Variants in TBC1D5 observed in about 807,000 individuals in gnomAD.
TBC1D5 encodes the protein TBC1 domain family, member 5.
A neutral mutation model predicts 100.3 loss-of-function variants in TBC1D5; 75 were observed. That is an observed-to-expected ratio of 0.75 (90% confidence interval 0.62 to 0.91). TBC1D5 has a LOEUF of 0.91. Among genes scored for constraint, TBC1D5 ranks in the 40% least tolerant of loss-of-function variants. The probability of loss-of-function intolerance (pLI) is 0.00; values close to 1 mark genes in which losing one functional copy is unlikely to be tolerated. For synonymous variants in TBC1D5, 323 were observed against 325.6 expected, an observed-to-expected ratio of 0.99 and a Z score of 0.09; for missense variants, 910 against 942.4, an observed-to-expected ratio of 0.97 and a Z score of 0.45.
At position 17,216,870 on chromosome 3, in the gene TBC1D5, C is replaced by A. The variant is rs918645882; in HGVS notation, c.1589-2500G>T. 2.6e-5 allele frequency among the ~76,000 whole-genome samples: 4 copies of A among 152,102 alleles called. 1 individual carries two copies. Among genetic ancestry groups the A allele is most frequent in the Admixed American group, 2.6e-4 (4 of 15,246 alleles). ...AAACAGATTAACTGTGAAAACAACA[C>A]TTTGAGATATAATTCATGTCATAAC... is the stretch of plus-strand genomic sequence containing the variant. On this transcript the variant is annotated intron_variant, in intron 17 of 21. Transcript: ENST00000253692.
intron 1 of TBC1D5, among the ~76,000 whole-genome samples, chr3:17,706,879 CATT>C (rs916912043): frequency 3.3e-5 from 5 of 150,020 alleles, no homozygotes; most frequent in Admixed American, 6.6e-5. Flanking sequence ...TAAAAAAAGT[CATT>C]AATTTTCAGT....
intron 2 of TBC1D5, among the ~76,000 whole-genome samples, chr3:17,563,465 A>G (rs763061186): frequency 9.2e-5 from 14 of 152,214 alleles, no homozygotes; most frequent in African/African-American, 3.1e-4. Context: ...GGAAGGTATA[A>G]TATCATAGAA....
rs116887048 is a variant in TBC1D5, at chr3:17,553,101, T to A, written c.-35-44496A>T. Among the ~76,000 whole-genome samples, 588 of 152,138 alleles carry A rather than the reference T, an allele frequency of 3.9e-3. 9 individuals are homozygous for A. Among genetic ancestry groups the A allele is most frequent in the East Asian group, 0.037 (192 of 5,174 alleles). On this transcript the variant is annotated intron_variant, in intron 2 of 21. Coordinates refer to ENST00000253692, the Ensembl canonical transcript of TBC1D5. ...TAGATTAACAGACTAAGCACAAATA[T>A]ACTTGGGGCACCATATTTCAGACAA...
chr3:17,206,109 C>T (rs535038362), intron 18 of TBC1D5, among the ~76,000 whole-genome samples: 134 of 152,244 alleles, frequency 8.8e-4, no homozygotes, highest in African/African-American at 3.2e-3. Context: ...GCCACTACTA[C>T]CTGTCCTAGG....
rs2061879415 is a variant in TBC1D5 at position 17,613,733 on chromosome 3, G to A, written c.-36+10116C>T. On this transcript the variant is annotated intron_variant, in intron 2 of 21. Transcript: ENST00000253692. ...CCTTTGCCCACTTTTTGATTTGGTT[G>A]TTTGGTTTTCTCTTGTAAATTTGCT... Among the ~76,000 whole-genome samples the A allele has an allele frequency of 1.3e-5, 2 of 152,134 alleles. 1 individual carries two copies. The highest frequency in any genetic ancestry group is 2.9e-5 in the Non-Finnish European group (2 of 68,008).
intron 21 of TBC1D5, among the ~76,000 whole-genome samples, chr3:17,165,229 C>A (rs1022913783): frequency 1.3e-5 from 2 of 152,122 alleles, no homozygotes; most frequent in East Asian, 1.9e-4. Context: ...AATACAGAAA[C>A]CAGGGATGAC....
At chr3:17,616,978 T>C (rs573521277) in intron 2 of TBC1D5, among the ~76,000 whole-genome samples, 64 of 152,390 alleles carry the variant, frequency 4.2e-4, no homozygotes, top group African/African-American at 1.4e-3. Context: ...AGTTTCTTCA[T>C]AGCATTGATG....
chr3:17,344,211 A>G lies in TBC1D5; in HGVS notation c.995+27864T>C, dbSNP rs1163121520. Among the ~76,000 whole-genome samples, 4 of 152,268 alleles carry G rather than the reference A, an allele frequency of 2.6e-5. No homozygotes were observed. In the East Asian group the frequency reaches 5.8e-4, roughly 22 times the overall value. ...TCTCCTTAAGCTGATAAGCAACTTCAGCAAAGTCTCAGGATACAAAATCAA... is the reference window on the plus strand; with the variant it reads ...TCTCCTTAAGCTGATAAGCAACTTCGGCAAAGTCTCAGGATACAAAATCAA... On this transcript the variant is annotated intron_variant, in intron 13 of 21. Transcript: ENST00000253692.
In TBC1D5 at chr3:17,302,897, T is replaced by A. The variant is rs141058591; in HGVS notation, c.1138+5095A>T. Among the ~76,000 whole-genome samples the A allele has an allele frequency of 7.6e-3, 1,162 of 152,282 alleles. 7 individuals carry two copies. The highest frequency in any genetic ancestry group is 0.017 in the Middle Eastern group (5 of 294). On this transcript the variant is annotated intron_variant, in intron 14 of 21. Transcript: ENST00000253692. Reference sequence around the variant, plus strand: ...TTAAACTACTAAGTGTAACTGAACATCCCCACTTTGGAAGCCCTAGCAAGA... The same window carrying A: ...TTAAACTACTAAGTGTAACTGAACAACCCCACTTTGGAAGCCCTAGCAAGA...
chr3:17,183,514 T>G (rs1295138402), intron 19 of TBC1D5, among the ~76,000 whole-genome samples: 1 of 152,184 alleles, frequency 6.6e-6, no homozygotes, highest in Non-Finnish European at 1.5e-5. Context: ...GTGGATCAAA[T>G]GTGACAGGGG....
intron 1 of TBC1D5, chr3:17,699,971 C>G (rs2072896756): frequency 6.6e-6 from 1 of 152,112 alleles, no homozygotes; most frequent in Non-Finnish European, 1.5e-5. Context: ...AGATATACCC[C>G]CTTCACCTGT....
chr3:17,678,775 G>T (rs976478074), intron 1 of TBC1D5, among the ~76,000 whole-genome samples: 1 of 147,498 alleles, frequency 6.8e-6, no homozygotes, highest in Non-Finnish European at 1.5e-5. Flanking sequence ...TTAAAAAAAT[G>T]AATAAAACCC....
intron 3 of TBC1D5, among the ~76,000 whole-genome samples, chr3:17,488,993 C>T (rs777512149): frequency 1.6e-4 from 24 of 150,862 alleles, no homozygotes; most frequent in Non-Finnish European, 2.5e-4. Flanking sequence ...CAGTTTCATT[C>T]CCAAACCATC....
At chr3:17,556,080 T>C (rs2096517375) in intron 2 of TBC1D5, among the ~76,000 whole-genome samples, 1 of 151,906 alleles carries the variant, frequency 6.6e-6, no homozygotes, top group South Asian at 2.1e-4. Context: ...AGTGGCGCAA[T>C]CTCAGCTCCC....
At chr3:17,742,163 T>TCGCCCTGCC (rs539549030), upstream of TBC1D5, among the ~76,000 whole-genome samples, 48 of 152,180 alleles carry the variant, frequency 3.2e-4, no homozygotes, top group African/African-American at 8.2e-4. Flanking sequence ...CCCGCCCAGC[T>TCGCCCTGCC]CGCCCTGCCC....
intron 3 of TBC1D5, among the ~76,000 whole-genome samples, chr3:17,455,482 ATATATATGTG>A (rs1365920394): frequency 0.012 from 1,727 of 142,530 alleles, 26 homozygotes; most frequent in African/African-American, 0.044. Flanking sequence ...ATATATATGT[ATATATATGTG>A]TATATATATA....
At chr3:17,613,110 C>T (rs2061821200) in intron 2 of TBC1D5, among the ~76,000 whole-genome samples, 1 of 152,118 alleles carries the variant, frequency 6.6e-6, no homozygotes, top group South Asian at 2.1e-4. Flanking sequence ...TGTTCAATTC[C>T]CACCTATGAG....
At chr3:17,243,700 T>A (rs1203765553) in intron 16 of TBC1D5, among the ~76,000 whole-genome samples, 1 of 152,144 alleles carries the variant, frequency 6.6e-6, no homozygotes, top group Admixed American at 6.5e-5. Flanking sequence ...TAACATGAGT[T>A]TAAATTAAAA....
intron 1 of TBC1D5, among the ~76,000 whole-genome samples, chr3:17,696,123 T>C (rs1172156856): frequency 6.6e-6 from 1 of 151,782 alleles, no homozygotes; most frequent in African/African-American, 2.4e-5. Flanking sequence ...AATTTATAGC[T>C]CTAAATGCCC....
Sources: gnomAD v4.1 joint callset for allele counts (sites outside exome capture counted in the v4.1 genomes callset) on GRCh38, gnomAD v4.1.1 for gene constraint, MANE v1.5 for transcripts, NCBI Gene and HGNC (gene_info 2026-07-23, HGNC 2026-07-21) for gene names.